OSBPL6: variants seen among roughly 807,000 people sequenced by gnomAD.
The protein encoded by OSBPL6 is oxysterol-binding protein-related protein 6.
Under a neutral mutation model 125.8 loss-of-function variants are expected in OSBPL6, and 49 were observed. The observed-to-expected ratio is 0.39, with a 90% CI of 0.31 to 0.49. The LOEUF (loss-of-function observed/expected upper bound fraction) is 0.49, where lower values mean the gene tolerates loss of function less well. Ranked by LOEUF, OSBPL6 falls within the 20% of genes least tolerant of loss-of-function variation. The pLI, the probability that OSBPL6 is intolerant of heterozygous loss-of-function variation, is 0.88. For synonymous variants in OSBPL6, 394 were observed against 391.8 expected, an observed-to-expected ratio of 1.01 and a Z score of -0.07; for missense variants, 986 against 1,135.4, an observed-to-expected ratio of 0.87 and a Z score of 1.89.
At chr2:178,213,533 C>G (rs890007287) in intron 1 of OSBPL6, among the ~76,000 whole-genome samples, 3 of 152,104 alleles carry the variant, frequency 2.0e-5, no homozygotes, top group East Asian at 3.9e-4. Flanking sequence ...CCATCGTCTC[C>G]TTCCTAGACT....
intron 21 of OSBPL6, among the ~76,000 whole-genome samples, chr2:178,390,412 A>G (rs1695303875): frequency 6.6e-6 from 1 of 152,122 alleles, no homozygotes; most frequent in Non-Finnish European, 1.5e-5. Context: ...TCACACCCCC[A>G]CAAACAACCA....
intron 1 of OSBPL6, among the ~76,000 whole-genome samples, chr2:178,229,824 C>T (rs1197234943): frequency 6.6e-6 from 1 of 152,044 alleles, no homozygotes; most frequent in Non-Finnish European, 1.5e-5. Flanking sequence ...AGAATGAGAC[C>T]TTGTCTCAAA....
chr2:178,350,932 A>C (rs1032538701), intron 12 of OSBPL6, among the ~76,000 whole-genome samples: 1 of 151,346 alleles, frequency 6.6e-6, no homozygotes, highest in African/African-American at 2.5e-5. Flanking sequence ...GCATCAACAG[A>C]GTTTTAAGGC....
chr2:178,334,270 A>G (rs1048431623), intron 8 of OSBPL6, among the ~76,000 whole-genome samples: 3 of 152,192 alleles, frequency 2.0e-5, no homozygotes, highest in Non-Finnish European at 4.4e-5. Flanking sequence ...TGGCTGCCAC[A>G]GTACGTTGTG....
At chr2:178,242,492 G>T (rs1455876366) in intron 1 of OSBPL6, among the ~76,000 whole-genome samples, 1 of 152,136 alleles carries the variant, frequency 6.6e-6, no homozygotes, top group Non-Finnish European at 1.5e-5. Context: ...AGTCACACGG[G>T]TGTTAAATAT....
intron 1 of OSBPL6, among the ~76,000 whole-genome samples, chr2:178,271,453 G>A (rs1204807514): frequency 2.0e-5 from 3 of 151,982 alleles, no homozygotes; most frequent in Admixed American, 6.6e-5. Flanking sequence ...AGAGAAATTC[G>A]GCTGCTTAAC....
intron 13 of OSBPL6, among the ~76,000 whole-genome samples, chr2:178,370,927 G>A (rs139873456): frequency 6.6e-6 from 1 of 152,328 alleles, no homozygotes; most frequent in East Asian, 1.9e-4. Flanking sequence ...AGGCTGCTCT[G>A]TGCTCCATGC....
chr2:178,387,393 A>G (rs1695037138), intron 20 of OSBPL6, among the ~76,000 whole-genome samples: 1 of 152,240 alleles, frequency 6.6e-6, no homozygotes, highest in South Asian at 2.1e-4. Flanking sequence ...TGGCCCAGTC[A>G]TCATGCTAGT....
At chr2:178,317,665 G>A (rs1402542157) in intron 3 of OSBPL6, among the ~76,000 whole-genome samples, 1 of 150,784 alleles carries the variant, frequency 6.6e-6, no homozygotes, top group African/African-American at 2.4e-5. Flanking sequence ...GTTTATAAGG[G>A]TGATCAAAAC....
chr2:178,209,347 T>G (rs1297165216), intron 1 of OSBPL6, among the ~76,000 whole-genome samples: 1 of 152,052 alleles, frequency 6.6e-6, no homozygotes, highest in African/African-American at 2.4e-5. Flanking sequence ...TTATTTCCCT[T>G]TTCCTCTTTT....
chr2:178,271,515 C>G (rs1176358288), intron 1 of OSBPL6, among the ~76,000 whole-genome samples: 2 of 152,064 alleles, frequency 1.3e-5, no homozygotes, highest in East Asian at 3.9e-4. Context: ...AGAAATTCAG[C>G]CAGGGTTATT....
At chr2:178,208,284 TAAAAAAA>T (rs538044941) in intron 1 of OSBPL6, among the ~76,000 whole-genome samples, 1 of 111,764 alleles carries the variant, frequency 8.9e-6, no homozygotes, top group East Asian at 2.5e-4. Flanking sequence ...AGACTCTGTC[TAAAAAAA>T]AAAAAAAAGA....
chr2:178,329,034 A>T (rs1021451334), intron 5 of OSBPL6, among the ~76,000 whole-genome samples: 1 of 152,226 alleles, frequency 6.6e-6, no homozygotes, highest in East Asian at 1.9e-4. Context: ...GATCTATATT[A>T]TATATCCCAC....
At chr2:178,290,578 T>C (rs1321698072) in intron 2 of OSBPL6, among the ~76,000 whole-genome samples, 2 of 152,142 alleles carry the variant, frequency 1.3e-5, no homozygotes, top group Non-Finnish European at 2.9e-5. Flanking sequence ...ACCTATATAA[T>C]CAGCACCCAG....
chr2:178,389,679 G>T (rs79058727), intron 21 of OSBPL6, among the ~76,000 whole-genome samples: 3 of 152,154 alleles, frequency 2.0e-5, no homozygotes, highest in African/African-American at 7.2e-5. Flanking sequence ...AAGAAAATAT[G>T]TTGGGATAGA....
chr2:178,282,467 T>G (rs1684295450), intron 1 of OSBPL6, among the ~76,000 whole-genome samples: 1 of 152,172 alleles, frequency 6.6e-6, no homozygotes, highest in South Asian at 2.1e-4. Context: ...TGGTAAGAAC[T>G]TGTGGAGAAT....
intron 1 of OSBPL6, among the ~76,000 whole-genome samples, chr2:178,255,672 A>G (rs1213537386): frequency 6.6e-6 from 1 of 152,154 alleles, no homozygotes; most frequent in Non-Finnish European, 1.5e-5. Context: ...CTAATCTCTC[A>G]CCTTAACTTC....
intron 1 of OSBPL6, among the ~76,000 whole-genome samples, chr2:178,239,036 A>C (rs1057129045): frequency 6.6e-6 from 1 of 152,196 alleles, no homozygotes; most frequent in Non-Finnish European, 1.5e-5. Flanking sequence ...ATTAAAAAAT[A>C]TATTTCAACA....
At chr2:178,325,707 A>C (rs1688644249) in intron 4 of OSBPL6, among the ~76,000 whole-genome samples, 1 of 152,180 alleles carries the variant, frequency 6.6e-6, no homozygotes, top group South Asian at 2.1e-4. Context: ...TCAGCCCCCA[A>C]CTCATTGAAG....
Sources: allele counts gnomAD v4.1 joint callset (sites outside exome capture counted in the v4.1 genomes callset), GRCh38; gene constraint gnomAD v4.1.1; transcripts MANE v1.5; gene names NCBI Gene and HGNC (gene_info 2026-07-23, HGNC 2026-07-21).